The following TLL1 variants were observed in gnomAD, a reference collection of about 807,000 sequenced individuals.
TLL1 encodes the protein tolloid like 1, also known as tolloid-like protein 1.
A neutral mutation model predicts 128.2 loss-of-function variants in TLL1; 49 were observed. That is an observed-to-expected ratio of 0.38 (90% CI 0.30 to 0.48). The LOEUF (loss-of-function observed/expected upper bound fraction) is 0.48. Ranked by LOEUF, TLL1 falls within the 20% of genes least tolerant of loss-of-function variation. The pLI is 0.96. For missense variants in TLL1, 1,123 were observed against 1,242.0 expected, an observed-to-expected ratio of 0.90 and a Z score of 1.44; for synonymous variants, 454 against 418.8, an observed-to-expected ratio of 1.08 and a Z score of -1.03.
At chr4:166,068,364 C>T (rs1740667183) in intron 16 of TLL1, among the ~76,000 whole-genome samples, 1 of 151,768 alleles carries the variant, frequency 6.6e-6, no homozygotes, top group Non-Finnish European at 1.5e-5. Flanking sequence ...TAATTGATGT[C>T]TGTTCACATT....
intron 1 of TLL1, among the ~76,000 whole-genome samples, chr4:165,982,918 C>G (rs1200346364): frequency 2.6e-5 from 4 of 151,708 alleles, no homozygotes; most frequent in South Asian, 2.1e-4. Context: ...GAAGAAAAAA[C>G]AAATGTTTGC....
intron 18 of TLL1, 69 bp downstream of exon 18, chr4:166,078,099 A>C (rs1267967061): frequency 1.2e-6 from 2 of 1,602,986 alleles, no homozygotes; most frequent in Admixed American, 3.4e-5. Flanking sequence ...AGCACTTGGA[A>C]ATAAAATGGA....
At chr4:166,047,399 C>T (rs986456189) in intron 12 of TLL1, among the ~76,000 whole-genome samples, 2 of 151,264 alleles carry the variant, frequency 1.3e-5, no homozygotes, top group African/African-American at 2.4e-5. Flanking sequence ...CTCCTGAATT[C>T]GTGATCTGCC....
intron 5 of TLL1, 74 bp from the exon 6 acceptor site, chr4:166,003,317 C>CA: frequency 1.3e-6 from 2 of 1,514,010 alleles, no homozygotes; most frequent in Admixed American, 1.7e-5. Flanking sequence ...CTATTCTTTA[C>CA]AAAAAATTCA....
chr4:165,879,724 G>T (rs1467184614), intron 1 of TLL1, among the ~76,000 whole-genome samples: 1 of 151,670 alleles, frequency 6.6e-6, no homozygotes, highest in Non-Finnish European at 1.5e-5. Flanking sequence ...AGACCATCTG[G>T]TGTCTAGGGA....
chr4:165,892,810 C>T (rs1731486759), intron 1 of TLL1, among the ~76,000 whole-genome samples: 1 of 152,220 alleles, frequency 6.6e-6, no homozygotes, highest in African/African-American at 2.4e-5. Context: ...TAAACTCTTG[C>T]ATTCCTTATA....
chr4:165,918,840 G>T (rs552673181), intron 1 of TLL1, among the ~76,000 whole-genome samples: 7 of 152,186 alleles, frequency 4.6e-5, no homozygotes, highest in Admixed American at 2.6e-4. Context: ...CACCCATTTG[G>T]ATTTCCTGAA....
chr4:165,974,838 G>A (rs1735800444), intron 1 of TLL1, among the ~76,000 whole-genome samples: 1 of 152,166 alleles, frequency 6.6e-6, no homozygotes. Flanking sequence ...CTGCTTATGT[G>A]GACCAGTACT....
intron 1 of TLL1, among the ~76,000 whole-genome samples, chr4:165,875,390 G>A (rs1017316347): frequency 1.3e-5 from 2 of 152,158 alleles, no homozygotes; most frequent in African/African-American, 2.4e-5. Context: ...TGTGTGTTGT[G>A]TTCACATTAT....
intron 9 of TLL1, among the ~76,000 whole-genome samples, chr4:166,030,016 T>G (rs570043980): frequency 6.6e-6 from 1 of 152,198 alleles, no homozygotes; most frequent in African/African-American, 2.4e-5. Context: ...AGAAGTGAGG[T>G]TGCTGGATCA....
chr4:165,963,669 A>C (rs1428604350), intron 1 of TLL1, among the ~76,000 whole-genome samples: 3 of 152,300 alleles, frequency 2.0e-5, no homozygotes, highest in African/African-American at 7.2e-5. Context: ...AAGGACCATA[A>C]TTGTCTATAA....
chr4:166,000,793 T>A (rs1300380683), intron 5 of TLL1, among the ~76,000 whole-genome samples: 1 of 152,168 alleles, frequency 6.6e-6, no homozygotes, highest in African/African-American at 2.4e-5. Flanking sequence ...TACCTATATA[T>A]GAATTAAAGC....
At position 165,905,592 on chromosome 4, in the gene TLL1, C is replaced by T. The variant is rs114840768; in HGVS notation, c.169+31519C>T. ...CTTATCTCCTGGGCCTTATTCACCT[C>T]GTCATCTTCTCCTCCTGTTGTCTTC... is the stretch of plus-strand genomic sequence containing the variant. On this transcript the variant is annotated intron_variant, in intron 1 of 20. Coordinates refer to ENST00000061240, the MANE Select transcript of TLL1 (RefSeq NM_012464.5). Among the ~76,000 whole-genome samples, 463 of 152,224 alleles carry T rather than the reference C, an allele frequency of 3.0e-3. 2 individuals carry two copies. The highest frequency in any genetic ancestry group is 0.011 in the African/African-American group (446 of 41,534).
chr4:165,982,143 C>T (rs2110998050), intron 1 of TLL1, among the ~76,000 whole-genome samples: 1 of 152,012 alleles, frequency 6.6e-6, no homozygotes, highest in African/African-American at 2.4e-5. Context: ...TAAATTATGT[C>T]AGCAAGTTAA....
intron 12 of TLL1, among the ~76,000 whole-genome samples, chr4:166,047,016 T>C (rs2111099413): frequency 6.6e-6 from 1 of 152,340 alleles, no homozygotes; most frequent in South Asian, 2.1e-4. Context: ...ATGGGTATTA[T>C]ACATTTTATA....
chr4:165,941,614 T>A (rs1215733312), intron 1 of TLL1, among the ~76,000 whole-genome samples: 1 of 152,148 alleles, frequency 6.6e-6, no homozygotes, highest in African/African-American at 2.4e-5. Context: ...AGATATTTAA[T>A]GCCCAGTGTC....
At chr4:165,927,954 T>TA (rs1180761481) in intron 1 of TLL1, among the ~76,000 whole-genome samples, 1 of 152,154 alleles carries the variant, frequency 6.6e-6, no homozygotes, top group Non-Finnish European at 1.5e-5. Flanking sequence ...TCCTCTTAGT[T>TA]AAATAGGTAT....
intron 1 of TLL1, among the ~76,000 whole-genome samples, chr4:165,969,320 G>A (rs1735530161): frequency 6.6e-6 from 1 of 151,938 alleles, no homozygotes; most frequent in African/African-American, 2.4e-5. Context: ...TGCTTAAGTA[G>A]TCTATCTTAT....
intron 14 of TLL1, among the ~76,000 whole-genome samples, chr4:166,057,808 G>A (rs977343406): frequency 2.6e-5 from 4 of 152,094 alleles, no homozygotes; most frequent in East Asian, 3.9e-4. Context: ...TCTCACTATC[G>A]TGAGAACAGC....
Sources: gnomAD v4.1 joint callset for allele counts (sites outside exome capture counted in the v4.1 genomes callset) on GRCh38, gnomAD v4.1.1 for gene constraint, MANE v1.5 for transcripts, NCBI Gene and HGNC (gene_info 2026-07-23, HGNC 2026-07-21) for gene names.